The following PHF21A variants were observed in gnomAD, a reference collection of about 807,000 sequenced individuals.
The protein encoded by PHF21A is PHD finger protein 21A, also known as BHC80a.
In PHF21A, 11 loss-of-function variants were observed where a neutral mutation model predicts 82.5. The observed-to-expected ratio is 0.13, with a 90% confidence interval of 0.08 to 0.22. PHF21A has a LOEUF of 0.22. Ranked by LOEUF, PHF21A falls within the 10% of genes least tolerant of loss-of-function variation. The pLI, the probability that PHF21A is intolerant of heterozygous loss-of-function variation, is 1.00. For synonymous variants in PHF21A, 297 were observed against 302.8 expected (o/e 0.98, Z 0.20); for missense variants, 579 against 837.8 (o/e 0.69, Z 3.81).
intron 11 of PHF21A, among the ~76,000 whole-genome samples, chr11:45,951,953 C>T (rs1460000335): frequency 1.3e-5 from 2 of 151,878 alleles, no homozygotes; most frequent in South Asian, 2.1e-4. Context: ...ACTATAGGCA[C>T]GCGCCACTGC....
intron 4 of PHF21A, among the ~76,000 whole-genome samples, chr11:46,083,879 G>GA (rs1250737994): frequency 6.6e-6 from 1 of 152,082 alleles, no homozygotes; most frequent in East Asian, 1.9e-4. Flanking sequence ...TCCTTCAGAT[G>GA]AACCAAAAAG....
intron 10 of PHF21A, among the ~76,000 whole-genome samples, chr11:45,956,846 T>TAAACTC (rs1034406070): frequency 2.0e-5 from 3 of 152,130 alleles, no homozygotes; most frequent in African/African-American, 7.2e-5. Flanking sequence ...GTAACTGGAT[T>TAAACTC]AAACTCACCA....
At chr11:46,038,761 T>C (rs372360418) in intron 6 of PHF21A, among the ~76,000 whole-genome samples, 4 of 152,202 alleles carry the variant, frequency 2.6e-5, no homozygotes, top group South Asian at 4.2e-4. Flanking sequence ...TTCCTTTTCT[T>C]ATAAAACCAC....
intron 6 of PHF21A, among the ~76,000 whole-genome samples, chr11:46,065,207 C>T (rs2096580221): frequency 6.6e-6 from 1 of 152,218 alleles, no homozygotes; most frequent in Admixed American, 6.5e-5. Flanking sequence ...ACAAATCAGT[C>T]TTGGACTCCT....
chr11:46,110,603 T>G (rs2097200962), intron 1 of PHF21A, among the ~76,000 whole-genome samples: 1 of 152,218 alleles, frequency 6.6e-6, no homozygotes. Flanking sequence ...TCTCCTTATA[T>G]TTAGCCCTTT....
intron 6 of PHF21A, among the ~76,000 whole-genome samples, chr11:46,006,784 C>G (rs755808954): frequency 6.6e-6 from 1 of 152,162 alleles, no homozygotes; most frequent in Non-Finnish European, 1.5e-5. Context: ...ATAAAAATGG[C>G]ACAAAAATAT....
At chr11:46,047,129 T>C (rs902909257) in intron 6 of PHF21A, among the ~76,000 whole-genome samples, 5 of 152,188 alleles carry the variant, frequency 3.3e-5, no homozygotes, top group African/African-American at 1.2e-4. Context: ...TAATGAGCAA[T>C]TGGTAGAGTA....
chr11:45,957,971 T>C (rs1407942135), intron 10 of PHF21A, among the ~76,000 whole-genome samples: 1 of 151,964 alleles, frequency 6.6e-6, no homozygotes, highest in Non-Finnish European at 1.5e-5. Context: ...AAAAGGATTA[T>C]AGGAGAATAT....
At chr11:46,103,942 C>T (rs959714743) in intron 1 of PHF21A, among the ~76,000 whole-genome samples, 10 of 152,208 alleles carry the variant, frequency 6.6e-5, no homozygotes, top group African/African-American at 2.2e-4. Flanking sequence ...CAATTATTTA[C>T]CCCAAAACTC....
intron 11 of PHF21A, among the ~76,000 whole-genome samples, chr11:45,951,414 A>G (rs2092095655): frequency 6.6e-6 from 1 of 152,254 alleles, no homozygotes; most frequent in Non-Finnish European, 1.5e-5. Context: ...TGGTAACTTC[A>G]GAGTCCTGAA....
At chr11:45,955,678 A>G (rs1380347417) in intron 10 of PHF21A, among the ~76,000 whole-genome samples, 1 of 152,242 alleles carries the variant, frequency 6.6e-6, no homozygotes, top group Admixed American at 6.5e-5. Flanking sequence ...TATAAATAAT[A>G]CCAAAAGGAT....
intron 6 of PHF21A, among the ~76,000 whole-genome samples, chr11:46,052,171 C>T (rs981730028): frequency 6.6e-6 from 1 of 152,048 alleles, no homozygotes; most frequent in Non-Finnish European, 1.5e-5. Context: ...CTGGTACTTC[C>T]AGGAAAAAAC....
intron 5 of PHF21A, 124 bp from the exon 6 acceptor site, chr11:46,076,943 C>T: frequency 1.4e-6 from 1 of 722,404 alleles, no homozygotes; most frequent in East Asian, 2.7e-5. Flanking sequence ...CCAATCAAAT[C>T]TGTCATGCAT....
intron 6 of PHF21A, among the ~76,000 whole-genome samples, chr11:45,988,035 G>A (rs1265635534): frequency 6.6e-6 from 1 of 152,160 alleles, no homozygotes; most frequent in African/African-American, 2.4e-5. Flanking sequence ...TAAGTACAGT[G>A]ATGATGCTAA....
intron 6 of PHF21A, among the ~76,000 whole-genome samples, chr11:46,057,214 C>A (rs2096470733): frequency 6.6e-6 from 1 of 152,254 alleles, no homozygotes; most frequent in Non-Finnish European, 1.5e-5. Context: ...TATTTTCCAT[C>A]TTGGAACTAC....
At chr11:46,101,894 C>A (rs1593248597) in intron 1 of PHF21A, among the ~76,000 whole-genome samples, 1 of 149,606 alleles carries the variant, frequency 6.7e-6, no homozygotes, top group Admixed American at 6.7e-5. Flanking sequence ...GAGTCTCGCT[C>A]TGTCGCCAGG....
intron 1 of PHF21A, among the ~76,000 whole-genome samples, chr11:46,095,745 C>A (rs1197650104): frequency 6.6e-6 from 1 of 151,940 alleles, no homozygotes; most frequent in African/African-American, 2.4e-5. Context: ...CTGTATTAAA[C>A]AAAACTTGCA....
At chr11:46,047,479 C>A (rs2096274787) in intron 6 of PHF21A, among the ~76,000 whole-genome samples, 1 of 151,754 alleles carries the variant, frequency 6.6e-6, no homozygotes, top group Non-Finnish European at 1.5e-5. Flanking sequence ...GATAAAGAAA[C>A]CGAGACAAAA....
chr11:46,077,686 G>T (rs1037262398), intron 5 of PHF21A, among the ~76,000 whole-genome samples: 2 of 152,196 alleles, frequency 1.3e-5, no homozygotes, highest in South Asian at 2.1e-4. Context: ...TTGACATAAG[G>T]CTTCTCCAAT....
Sources: allele counts gnomAD v4.1 joint callset (sites outside exome capture counted in the v4.1 genomes callset), GRCh38; gene constraint gnomAD v4.1.1; transcripts MANE v1.5; gene names NCBI Gene and HGNC (gene_info 2026-07-23, HGNC 2026-07-21).